SSBP2: variants seen among roughly 807,000 people sequenced by gnomAD.
SSBP2 encodes the protein single-stranded DNA-binding protein 2.
In SSBP2, 17 loss-of-function variants were observed where a neutral mutation model predicts 61.8. The ratio of observed to expected loss-of-function variants is 0.28; its 90% CI spans 0.19 to 0.41. The LOEUF is 0.41. Ranked by LOEUF, SSBP2 falls within the 10% of genes least tolerant of loss-of-function variation. The probability of loss-of-function intolerance (pLI) is 1.00; values close to 1 mark genes in which losing one functional copy is unlikely to be tolerated. For missense variants in SSBP2, 310 were observed against 458.7 expected (o/e 0.68, Z 2.96); for synonymous variants, 139 against 141.3 (o/e 0.98, Z 0.12).
chr5:81,515,062 C>T (rs1397469172), intron 4 of SSBP2, among the ~76,000 whole-genome samples: 1 of 151,912 alleles, frequency 6.6e-6, no homozygotes, highest in Admixed American at 6.6e-5. Context: ...TCAGTTATTG[C>T]TCTATTGAGC....
At chr5:81,568,275 T>G (rs993066464) in intron 4 of SSBP2, among the ~76,000 whole-genome samples, 1 of 152,160 alleles carries the variant, frequency 6.6e-6, no homozygotes, top group African/African-American at 2.4e-5. Context: ...CCAAAACTGT[T>G]CTTGTGGTAG....
intron 4 of SSBP2, among the ~76,000 whole-genome samples, chr5:81,574,095 C>T (rs751786035): frequency 6.6e-6 from 1 of 151,892 alleles, no homozygotes; most frequent in Non-Finnish European, 1.5e-5. Flanking sequence ...GAGCCGAGAT[C>T]GCGCCACTGC....
chr5:81,662,682 A>C (rs1750798739), intron 1 of SSBP2, among the ~76,000 whole-genome samples: 3 of 151,920 alleles, frequency 2.0e-5, no homozygotes, highest in Admixed American at 2.0e-4. Flanking sequence ...GACATCTGTA[A>C]TCTCAGCTAC....
chr5:81,474,710 T>C, intron 6 of SSBP2, 148 bp from the exon 7 acceptor site: 1 of 623,906 alleles, frequency 1.6e-6, no homozygotes. Context: ...CATTCATTTA[T>C]AAGTTTTGCA....
intron 4 of SSBP2, among the ~76,000 whole-genome samples, chr5:81,570,079 T>C (rs1267889776): frequency 6.6e-6 from 1 of 152,196 alleles, no homozygotes; most frequent in Non-Finnish European, 1.5e-5. Context: ...TTAAGTGATA[T>C]ACTACTTGTC....
chr5:81,608,889 A>G (rs568322263), intron 4 of SSBP2, among the ~76,000 whole-genome samples: 25 of 152,282 alleles, frequency 1.6e-4, no homozygotes, highest in Non-Finnish European at 3.4e-4. Flanking sequence ...GTGTTCAGGC[A>G]ATGATTTGGA....
chr5:81,748,821 G>A (rs1323274526), intron 1 of SSBP2, among the ~76,000 whole-genome samples: 1 of 152,042 alleles, frequency 6.6e-6, no homozygotes, highest in Non-Finnish European at 1.5e-5. Context: ...TTGTTTTCCT[G>A]GTGGGAAATC....
intron 1 of SSBP2, among the ~76,000 whole-genome samples, chr5:81,669,977 C>T (rs1178595987): frequency 2.7e-5 from 4 of 150,304 alleles, no homozygotes; most frequent in South Asian, 2.1e-4. Context: ...TATAGAGAGA[C>T]AGTAAAAGGA....
intron 2 of SSBP2, among the ~76,000 whole-genome samples, chr5:81,648,757 T>G (rs376466945): frequency 7.4e-4 from 113 of 152,224 alleles, no homozygotes; most frequent in Non-Finnish European, 1.2e-3. Context: ...ATAAGATATT[T>G]TGATACAGGC....
chr5:81,695,194 A>G (rs1753513063), intron 1 of SSBP2, among the ~76,000 whole-genome samples: 2 of 152,346 alleles, frequency 1.3e-5, no homozygotes, highest in Admixed American at 1.3e-4. Context: ...AGTATCTAAA[A>G]TCACTTACTA....
intron 5 of SSBP2, among the ~76,000 whole-genome samples, chr5:81,490,465 T>C (rs973300204): frequency 2.6e-5 from 4 of 152,124 alleles, no homozygotes; most frequent in Non-Finnish European, 4.4e-5. Flanking sequence ...AAATATCAAA[T>C]CTAACGGGTT....
chr5:81,572,975 G>C (rs1773940880), intron 4 of SSBP2, among the ~76,000 whole-genome samples: 1 of 152,150 alleles, frequency 6.6e-6, no homozygotes, highest in Admixed American at 6.5e-5. Context: ...CTGTCCAACA[G>C]TGCTCATATC....
intron 4 of SSBP2, among the ~76,000 whole-genome samples, chr5:81,552,331 A>C (rs562892229): frequency 3.9e-5 from 6 of 152,304 alleles, no homozygotes; most frequent in Admixed American, 2.0e-4. Context: ...AAGAAACCAG[A>C]AATTTACAGT....
chr5:81,660,995 C>T (rs1246627481), intron 1 of SSBP2, among the ~76,000 whole-genome samples: 11 of 148,864 alleles, frequency 7.4e-5, no homozygotes, highest in East Asian at 2.0e-4. Flanking sequence ...CAACATAAAC[C>T]GGAGCCTGTT....
chr5:81,679,729 T>C (rs962023224), intron 1 of SSBP2, among the ~76,000 whole-genome samples: 2 of 152,124 alleles, frequency 1.3e-5, no homozygotes, highest in Non-Finnish European at 1.5e-5. Context: ...ATATGGTAAA[T>C]ATTAATCCAA....
intron 16 of SSBP2, among the ~76,000 whole-genome samples, chr5:81,428,343 A>C (rs1276147135): frequency 6.6e-6 from 1 of 152,204 alleles, no homozygotes; most frequent in Admixed American, 6.5e-5. Context: ...GTTCCTTTAC[A>C]GTGGAGGTTC....
chr5:81,496,382 G>A (rs191235444), intron 5 of SSBP2, among the ~76,000 whole-genome samples: 80 of 152,248 alleles, frequency 5.3e-4, no homozygotes, highest in African/African-American at 1.9e-3. Context: ...GTTTCACCAT[G>A]TTGGCCAGGT....
At chr5:81,746,996 T>G (rs1757385477) in intron 1 of SSBP2, among the ~76,000 whole-genome samples, 1 of 118,526 alleles carries the variant, frequency 8.4e-6, no homozygotes, top group African/African-American at 2.9e-5. Flanking sequence ...TGTTTAACTT[T>G]AAAACAAGCA....
At chr5:81,679,936 C>T (rs1433123769) in intron 1 of SSBP2, among the ~76,000 whole-genome samples, 1 of 148,638 alleles carries the variant, frequency 6.7e-6, no homozygotes, top group Non-Finnish European at 1.5e-5. Context: ...TGGTGAAGGC[C>T]TCAATAGAAT....
Sources: allele counts gnomAD v4.1 joint callset (sites outside exome capture counted in the v4.1 genomes callset), GRCh38; gene constraint gnomAD v4.1.1; transcripts MANE v1.5; gene names NCBI Gene and HGNC (gene_info 2026-07-23, HGNC 2026-07-21).